Variants in BRCA2 observed in about 807,000 individuals in gnomAD.
BRCA2 encodes BRCA2 DNA repair associated, also known as breast cancer type 2 susceptibility protein.
BRCA2 carries 203 observed loss-of-function variants against 276.7 expected under a neutral mutation model. The ratio of observed to expected loss-of-function variants is 0.73; its 90% CI spans 0.65 to 0.82. The LOEUF is 0.82. Among genes scored for constraint, BRCA2 ranks in the 40% least tolerant of loss-of-function variants. BRCA2 has a pLI of 0.00. For synonymous variants in BRCA2, 1,289 were observed against 1,338.4 expected (o/e 0.96, Z 0.81); for missense variants, 3,920 against 3,915.0 (o/e 1.00, Z -0.03).
intron 12 of BRCA2, among the ~76,000 whole-genome samples, chr13:32,346,430 T>G (rs1263821491): frequency 2.0e-5 from 3 of 152,092 alleles, no homozygotes; most frequent in African/African-American, 7.2e-5. Context: ...TTAACCAATT[T>G]CCAACTAGTG....
intron 24 of BRCA2, among the ~76,000 whole-genome samples, chr13:32,386,866 G>T (rs1215676944): frequency 6.6e-6 from 1 of 152,182 alleles, no homozygotes; most frequent in Non-Finnish European, 1.5e-5. Flanking sequence ...CCATAGACTG[G>T]GGGCTTAAAC....
At chr13:32,348,386 C>T (rs2072625305) in intron 13 of BRCA2, among the ~76,000 whole-genome samples, 1 of 151,954 alleles carries the variant, frequency 6.6e-6, no homozygotes, top group East Asian at 1.9e-4. Context: ...CACAGTAAGG[C>T]ACATCCTTGT....
intron 16 of BRCA2, 129 bp from the exon 17 acceptor site, chr13:32,362,394 A>G (rs1392598288): frequency 1.2e-5 from 10 of 855,160 alleles, no homozygotes; most frequent in Non-Finnish European, 1.1e-5. Context: ...TATATTGTAG[A>G]TCATATGAAC....
At chr13:32,359,166 G>A (rs1371378194) in intron 16 of BRCA2, among the ~76,000 whole-genome samples, 1 of 143,712 alleles carries the variant, frequency 7.0e-6, no homozygotes, top group African/African-American at 2.6e-5. Flanking sequence ...AGGTTGCAGT[G>A]AGCCAAAATT....
At chr13:32,319,447 CTT>C (rs1392647902) in intron 3 of BRCA2, 122 bp downstream of exon 3, 6 of 992,580 alleles carry the variant, frequency 6.0e-6, no homozygotes, top group East Asian at 2.6e-5. Context: ...TCTCTGGCCT[CTT>C]TTTCCTCACT....
At position 32,340,016 on chromosome 13, in the gene BRCA2, G is replaced by T; in HGVS notation, c.5661G>T (p.Thr1887=). Residue 1887 remains threonine, a synonymous_variant, in exon 11 of 27, where the codon ACG becomes ACT. Transcript: ENST00000380152. ...NNENKSKICQ[T]KIMAGCYEAL... ...AGAATAAATCAAAAATTTGCCAAAC[G>T]AAAATTATGGCAGGTTGTTACGAGG... 6.2e-7 allele frequency: 1 copy of T among 1,612,732 alleles called. No individual in the cohort carries two copies. Among genetic ancestry groups the T allele is most frequent in the Non-Finnish European group, 8.5e-7 (1 of 1,179,612 alleles).
intron 21 of BRCA2, among the ~76,000 whole-genome samples, chr13:32,377,810 A>T (rs2072884397): frequency 6.6e-6 from 1 of 152,192 alleles, no homozygotes; most frequent in Non-Finnish European, 1.5e-5. Flanking sequence ...ATTTTACCAA[A>T]ACTACTTGTT....
rs774109322 is a variant in BRCA2 at position 32,330,752 on chromosome 13, AACTT to A, written c.682-163_682-160del. Among the ~76,000 whole-genome samples the A allele has an allele frequency of 5.9e-5, 9 of 152,278 alleles. No homozygotes were observed. In the South Asian group the frequency reaches 1.9e-3, roughly 32 times the overall value. On this transcript the variant is annotated intron_variant, in intron 8 of 26. Coordinates refer to ENST00000380152, the MANE Select transcript of BRCA2 (RefSeq NM_000059.4). ...CTACTCAGGATGACACACAATTTAA[AACTT>A]ACTAATTGCTTACTTCTGGAATTTT...
At chr13:32,316,118 C>G (rs1312120127) in intron 1 of BRCA2, among the ~76,000 whole-genome samples, 1 of 151,430 alleles carries the variant, frequency 6.6e-6, no homozygotes. Flanking sequence ...GCGTTGGTCT[C>G]TAACTGGAGC....
rs1566251461 is a variant in BRCA2, at chr13:32,376,746, G to C, written c.8709G>C (p.Glu2903Asp). 3.1e-6 allele frequency: 5 copies of C among 1,614,148 alleles called. No individual in the cohort carries two copies. The highest frequency in any genetic ancestry group is 4.2e-6 in the Non-Finnish European group (5 of 1,180,030). Residue 2903 changes from glutamate to aspartate, a missense_variant, in exon 21 of 27, where the codon GAG (glutamate) becomes GAC (aspartate). This residue lies in a region of BRCA2 where 657 missense variants were observed against 758.2 expected (regional missense o/e 0.87). Coordinates refer to ENST00000380152, the MANE Select transcript of BRCA2 (RefSeq NM_000059.4). ...QQVRALQDGA[E>D]LYEAVKNAAD... ...TTCGTGCTTTGCAAGATGGTGCAGAGCTTTATGAAGCAGTGAAGAATGCAG... is the reference window on the plus strand; with the variant it reads ...TTCGTGCTTTGCAAGATGGTGCAGACCTTTATGAAGCAGTGAAGAATGCAG...
rs764595220 is a variant in BRCA2, at chr13:32,394,783, T to C, written c.9351T>C (p.His3117=). 1.9e-6 allele frequency: 3 copies of C among 1,614,158 alleles called. No individual in the cohort carries two copies. Among genetic ancestry groups the C allele is most frequent in the Non-Finnish European group, 2.5e-6 (3 of 1,179,996 alleles). ...IDLNEDIIKP[H]MLIAASNLQW... The stretch of plus-strand genomic sequence containing the variant: ...TTAATGAGGACATTATTAAGCCTCA[T>C]ATGTTAATTGCTGCAAGCAACCTCC... The change falls in exon 25 of 27, where the codon CAT becomes CAC. Residue 3117 remains histidine, a synonymous_variant. Coordinates refer to ENST00000380152, the MANE Select transcript of BRCA2 (RefSeq NM_000059.4).
At chr13:32,395,034 A>G in intron 25 of BRCA2, 101 bp downstream of exon 25, 1 of 1,520,274 alleles carries the variant, frequency 6.6e-7, no homozygotes, top group Non-Finnish European at 9.0e-7. Context: ...TAGTTGAGGT[A>G]GTATGTGAGG....
intron 1 of BRCA2, among the ~76,000 whole-genome samples, chr13:32,316,007 T>G (rs530926766): frequency 6.6e-6 from 1 of 152,240 alleles, no homozygotes; most frequent in South Asian, 2.1e-4. Flanking sequence ...ATTGCTGTTT[T>G]GGGGAAGTGT....
At position 32,332,871 on chromosome 13, in the gene BRCA2, G is replaced by A. The variant is rs2137470974; in HGVS notation, c.1393G>A (p.Val465Ile). Residue 465 changes from valine (V) to isoleucine (I), a missense_variant, in exon 10 of 27, where the codon GTA (valine) becomes ATA (isoleucine). By Grantham distance (29) the Val-to-Ile change is conservative. Transcript: ENST00000380152. ...GAAGCCATTAAATGAGGAAACAGTG[G>A]TAAATAAGAGAGATGAAGAGCAGCA... ...SEKPLNEETV[V>I]NKRDEEQHLE... The A allele has an allele frequency of 6.2e-7, 1 of 1,611,254 alleles. No homozygotes were observed. Among genetic ancestry groups the A allele is most frequent in the Non-Finnish European group, 8.5e-7 (1 of 1,179,408 alleles).
chr13:32,332,173 A>G, intron 9 of BRCA2, 99 bp from the exon 10 acceptor site: 1 of 1,196,310 alleles, frequency 8.4e-7, no homozygotes, highest in African/African-American at 1.6e-5. Context: ...AATATTTAGC[A>G]CATTCTACAT....
In BRCA2 at chr13:32,379,229, A is replaced by G. The variant is rs2072895031; in HGVS notation, c.8755-88A>G. The G allele has an allele frequency of 2.1e-5, 27 of 1,273,158 alleles. No individual in the cohort carries two copies. In the South Asian group the frequency reaches 2.9e-4, roughly 14 times the overall value. The allele number at this position is 1,273,158 out of a possible 1,614,324, so 78.9% of individuals were successfully genotyped here. A position where few individuals can be genotyped will look rare whatever the true frequency, so the allele number is the denominator to read the frequency against. ...TTAAGATGAGCTCTAATTTTGTTGT[A>G]TTTGTCCTGTTTAAAGCCATCTAGT... On this transcript the variant is annotated intron_variant, in intron 21 of 26. Coordinates refer to ENST00000380152, the MANE Select transcript of BRCA2 (RefSeq NM_000059.4).
chr13:32,372,089 T>C (rs955066122), intron 20 of BRCA2, among the ~76,000 whole-genome samples: 1 of 152,208 alleles, frequency 6.6e-6, no homozygotes, highest in East Asian at 1.9e-4. Flanking sequence ...ATTGATTGGC[T>C]TTTCCTTTCA....
chr13:32,361,886 G>A (rs1201370036), intron 16 of BRCA2, among the ~76,000 whole-genome samples: 3 of 152,100 alleles, frequency 2.0e-5, no homozygotes, highest in Middle Eastern at 3.2e-3. Context: ...AAGAAAGGCA[G>A]TTCTCAGGCG....
At chr13:32,397,146 T>TA in intron 26 of BRCA2, 102 bp downstream of exon 26, 1 of 1,329,384 alleles carries the variant, frequency 7.5e-7, no homozygotes, top group South Asian at 1.3e-5. Flanking sequence ...TAATTAAACT[T>TA]AATTAGAAAA....
Sources: allele counts gnomAD v4.1 joint callset (sites outside exome capture counted in the v4.1 genomes callset), GRCh38; gene constraint gnomAD v4.1.1; regional missense constraint gnomAD v4.1.1; transcripts MANE v1.5; gene names NCBI Gene and HGNC (gene_info 2026-07-23, HGNC 2026-07-21).